LRRC4C: variants seen among roughly 807,000 people sequenced by gnomAD.
LRRC4C encodes leucine rich repeat containing 4C.
LRRC4C carries 5 observed loss-of-function variants against 33.6 expected under a neutral mutation model. The observed-to-expected ratio is 0.15, with a 90% confidence interval of 0.08 to 0.31. The LOEUF is 0.31. LRRC4C is among the 10% of genes least tolerant of loss of function. The pLI, the probability that LRRC4C is intolerant of heterozygous loss-of-function variation, is 1.00. For synonymous variants in LRRC4C, 329 were observed against 302.0 expected (o/e 1.09, Z -0.93); for missense variants, 560 against 796.7 (o/e 0.70, Z 3.58).
intron 3 of LRRC4C, among the ~76,000 whole-genome samples, chr11:40,633,324 T>TC (rs1565580681): frequency 3.1e-4 from 38 of 121,904 alleles, no homozygotes; most frequent in African/African-American, 1.1e-3. Flanking sequence ...CCAAGTTTTC[T>TC]TTTTCTTTCT....
intron 3 of LRRC4C, among the ~76,000 whole-genome samples, chr11:40,533,022 A>G (rs1956333590): frequency 1.3e-5 from 2 of 152,168 alleles, no homozygotes; most frequent in South Asian, 4.1e-4. Context: ...ACAGCAAACC[A>G]ACCCCCTGAT....
chr11:40,963,298 A>C (rs1275310814), intron 1 of LRRC4C, among the ~76,000 whole-genome samples: 4 of 151,906 alleles, frequency 2.6e-5, no homozygotes, highest in African/African-American at 9.6e-5. Context: ...ATTTTACACT[A>C]TTTGGCAAGT....
At chr11:40,158,205 C>A (rs1361385033) in intron 5 of LRRC4C, among the ~76,000 whole-genome samples, 1 of 152,066 alleles carries the variant, frequency 6.6e-6, no homozygotes, top group African/African-American at 2.4e-5. Flanking sequence ...TATGTGGGAG[C>A]TAAGCTATGA....
chr11:41,079,120 T>C (rs1410461938), intron 1 of LRRC4C, among the ~76,000 whole-genome samples: 1 of 152,174 alleles, frequency 6.6e-6, no homozygotes, highest in African/African-American at 2.4e-5. Context: ...AAAAGGCCCA[T>C]ATCTTTGGCC....
intron 3 of LRRC4C, among the ~76,000 whole-genome samples, chr11:40,365,895 T>C (rs1299193592): frequency 6.6e-6 from 1 of 152,076 alleles, no homozygotes; most frequent in Non-Finnish European, 1.5e-5. Context: ...TTTTAATTGG[T>C]ATATGAGAAT....
intron 1 of LRRC4C, among the ~76,000 whole-genome samples, chr11:41,227,743 C>T (rs1947606471): frequency 6.6e-6 from 1 of 152,052 alleles, no homozygotes; most frequent in South Asian, 2.1e-4. Flanking sequence ...GCATTCCTTC[C>T]CAATTTTTCT....
intron 1 of LRRC4C, among the ~76,000 whole-genome samples, chr11:41,265,750 A>C (rs1415549754): frequency 6.6e-6 from 1 of 152,066 alleles, no homozygotes; most frequent in East Asian, 1.9e-4. Flanking sequence ...ACTGAGTTAC[A>C]ATTACAGCTA....
At chr11:41,148,081 C>A (rs1369783887) in intron 1 of LRRC4C, among the ~76,000 whole-genome samples, 2 of 151,942 alleles carry the variant, frequency 1.3e-5, no homozygotes, top group Non-Finnish European at 2.9e-5. Flanking sequence ...TGCAGTGACG[C>A]CATCTCGGCT....
chr11:40,759,757 T>C (rs1046441204), intron 2 of LRRC4C, among the ~76,000 whole-genome samples: 2 of 152,044 alleles, frequency 1.3e-5, no homozygotes, highest in Non-Finnish European at 2.9e-5. Context: ...TGATATCATG[T>C]TGATATAATC....
At chr11:40,587,656 A>C (rs1180965954) in intron 3 of LRRC4C, among the ~76,000 whole-genome samples, 3 of 151,514 alleles carry the variant, frequency 2.0e-5, no homozygotes, top group Admixed American at 6.6e-5. Context: ...TCCCATCAAT[A>C]CCTAATTTGT....
At chr11:40,216,331 T>C (rs533283235) in intron 5 of LRRC4C, among the ~76,000 whole-genome samples, 3 of 152,314 alleles carry the variant, frequency 2.0e-5, no homozygotes, top group East Asian at 1.9e-4. Context: ...ATCCCAGCTG[T>C]ACTGTGACTT....
chr11:41,350,305 T>C (rs1031060656), intron 1 of LRRC4C, among the ~76,000 whole-genome samples: 2 of 151,864 alleles, frequency 1.3e-5, no homozygotes, highest in Non-Finnish European at 2.9e-5. Flanking sequence ...GGTCAGGAGA[T>C]CGAGACCATC....
chr11:40,375,227 G>A (rs1163556180), intron 3 of LRRC4C, among the ~76,000 whole-genome samples: 1 of 152,162 alleles, frequency 6.6e-6, no homozygotes, highest in African/African-American at 2.4e-5. Context: ...CTGGCAAACA[G>A]ATTTCCAATA....
intron 5 of LRRC4C, among the ~76,000 whole-genome samples, chr11:40,194,506 A>G (rs1862087764): frequency 6.6e-6 from 1 of 152,128 alleles, no homozygotes; most frequent in Non-Finnish European, 1.5e-5. Flanking sequence ...CATTCTCAGC[A>G]AACTAACACA....
At chr11:41,036,794 T>G (rs538762267) in intron 1 of LRRC4C, among the ~76,000 whole-genome samples, 49 of 152,348 alleles carry the variant, frequency 3.2e-4, no homozygotes, top group Admixed American at 9.8e-4. Flanking sequence ...ACGTATATAT[T>G]CAAACAGAAC....
At chr11:40,843,579 C>G (rs1027713110) in intron 2 of LRRC4C, among the ~76,000 whole-genome samples, 7 of 152,148 alleles carry the variant, frequency 4.6e-5, no homozygotes, top group African/African-American at 1.7e-4. Flanking sequence ...TTTCTCTATT[C>G]TCTATCTTCC....
chr11:40,461,417 T>C (rs10742541), intron 3 of LRRC4C, among the ~76,000 whole-genome samples: 65,709 of 151,886 alleles, frequency 0.43, 14,633 homozygotes, highest in East Asian at 0.55. Flanking sequence ...CTTTCTAGTG[T>C]CTTATGTTTT....
At chr11:40,632,728 A>C (rs1252574449) in intron 3 of LRRC4C, among the ~76,000 whole-genome samples, 3 of 151,334 alleles carry the variant, frequency 2.0e-5, no homozygotes, top group African/African-American at 7.4e-5. Flanking sequence ...ATTTCATCTT[A>C]TTTATCTTTG....
At chr11:40,460,680 T>C (rs1952351409) in intron 3 of LRRC4C, among the ~76,000 whole-genome samples, 1 of 152,274 alleles carries the variant, frequency 6.6e-6, no homozygotes, top group Non-Finnish European at 1.5e-5. Flanking sequence ...TGTGATAAAA[T>C]AAAATATCCA....
Sources: allele counts gnomAD v4.1 joint callset (sites outside exome capture counted in the v4.1 genomes callset), GRCh38; gene constraint gnomAD v4.1.1; transcripts MANE v1.5; gene names NCBI Gene and HGNC (gene_info 2026-07-23, HGNC 2026-07-21).